The following UMAD1 variants were observed in gnomAD, a reference collection of about 807,000 sequenced individuals.
The protein encoded by UMAD1 is UBAP1-MVB12-associated (UMA)-domain containing protein 1.
UMAD1 carries 8 observed loss-of-function variants against 6.1 expected under a neutral mutation model. The ratio of observed to expected loss-of-function variants is 1.30; its 90% CI spans 0.76 to 2.35. The LOEUF is 2.35. Ranked by LOEUF, UMAD1 falls within the 30% of genes most tolerant of loss-of-function variation. The pLI is 0.00. For synonymous variants in UMAD1, 56 were observed against 31.4 expected (o/e 1.78, Z -2.61); for missense variants, 130 against 78.4 (o/e 1.66, Z -2.49).
chr7:7,709,519 C>G lies in UMAD1; in HGVS notation c.82+36066C>G, dbSNP rs562842006. On this transcript the variant is annotated intron_variant, in intron 2 of 3. Coordinates refer to ENST00000682710, the MANE Select transcript of UMAD1 (RefSeq NM_001302348.2). ...GGAGAGAAGGTGAATGACTGGGGGA[C>G]TTGAAGTTGAAAGAAAAGTCAGGCG... Among the ~76,000 whole-genome samples the G allele has an allele frequency of 4.3e-4, 66 of 152,284 alleles. No homozygotes were observed. In the South Asian group the frequency reaches 4.6e-3, roughly 11 times the overall value.
At chr7:7,756,801 C>G (rs1252608310) in intron 2 of UMAD1, among the ~76,000 whole-genome samples, 2 of 152,148 alleles carry the variant, frequency 1.3e-5, no homozygotes, top group Non-Finnish European at 2.9e-5. Flanking sequence ...ACTGTTTTAC[C>G]AATCATATGT....
chr7:7,846,061 G>C (rs1583868292), intron 3 of UMAD1, among the ~76,000 whole-genome samples: 1 of 152,234 alleles, frequency 6.6e-6, no homozygotes, highest in South Asian at 2.1e-4. Context: ...CCAGAATTCA[G>C]TTCTTAAGAA....
intron 3 of UMAD1, among the ~76,000 whole-genome samples, chr7:7,865,607 C>G (rs1784211343): frequency 6.6e-6 from 1 of 152,206 alleles, no homozygotes; most frequent in African/African-American, 2.4e-5. Flanking sequence ...TGCCCATCCC[C>G]TTGCCTACCC....
intron 2 of UMAD1, chr7:7,742,458 G>T (rs961545089): frequency 1.9e-6 from 1 of 539,436 alleles, no homozygotes; most frequent in African/African-American, 1.9e-5. Flanking sequence ...TTCTTTTTTT[G>T]TGGTTGTGGA....
intron 1 of UMAD1, among the ~76,000 whole-genome samples, chr7:7,641,921 T>G (rs911952106): frequency 6.6e-6 from 1 of 152,178 alleles, no homozygotes; most frequent in African/African-American, 2.4e-5. Context: ...ACTTAATAGG[T>G]TTGTCTTAGT....
rs576045140 is a variant in UMAD1 at position 7,709,870 on chromosome 7, C to A, written c.82+36417C>A. On this transcript the variant is annotated intron_variant, in intron 2 of 3. Transcript: ENST00000682710. Reference sequence around the variant, plus strand: ...CCAATTGGTTTAAGAAATATAATTTCTTGTTAACCTTGAAGTTCTCTAAGT... The same window carrying A: ...CCAATTGGTTTAAGAAATATAATTTATTGTTAACCTTGAAGTTCTCTAAGT... Among the ~76,000 whole-genome samples the A allele has an allele frequency of 6.6e-5, 10 of 151,966 alleles. 1 individual carries two copies. The highest frequency in any genetic ancestry group is 2.4e-4 in the African/African-American group (10 of 41,440).
At chr7:7,807,528 C>T (rs997177192) in intron 3 of UMAD1, among the ~76,000 whole-genome samples, 1 of 151,978 alleles carries the variant, frequency 6.6e-6, no homozygotes, top group Non-Finnish European at 1.5e-5. Flanking sequence ...CACGTCATAG[C>T]CCAAGTATAT....
At chr7:7,756,697 T>G (rs889375119) in intron 2 of UMAD1, among the ~76,000 whole-genome samples, 2 of 152,236 alleles carry the variant, frequency 1.3e-5, no homozygotes, top group Non-Finnish European at 2.9e-5. Context: ...CTCAATCTGT[T>G]TCCCGTTTGG....
At chr7:7,789,446 C>T (rs1034186529) in intron 2 of UMAD1, among the ~76,000 whole-genome samples, 1 of 150,736 alleles carries the variant, frequency 6.6e-6, no homozygotes, top group African/African-American at 2.5e-5. Context: ...TAGAGAAAAA[C>T]ATCTTATTTC....
chr7:7,754,750 G>C (rs6971799), intron 2 of UMAD1, among the ~76,000 whole-genome samples: 22,195 of 152,014 alleles, frequency 0.15, 1,680 homozygotes, highest in Middle Eastern at 0.2. Flanking sequence ...TGGGTTTGTG[G>C]ATTTATTTTT....
At chr7:7,817,270 G>C (rs1348916185) in intron 3 of UMAD1, among the ~76,000 whole-genome samples, 2 of 152,112 alleles carry the variant, frequency 1.3e-5, no homozygotes, top group Non-Finnish European at 2.9e-5. Context: ...ATCTGACCAG[G>C]AGTGCCATGA....
rs181905697 is a variant in UMAD1, at chr7:7,662,226, T to C, written c.-63-11083T>C. Among the ~76,000 whole-genome samples, 306 of 152,292 alleles carry C rather than the reference T, an allele frequency of 2.0e-3. 1 individual carries two copies. Among genetic ancestry groups the C allele is most frequent in the African/African-American group, 7.0e-3 (292 of 41,566 alleles). ...GCTGGCAGCGATAATTTCAAGCCAG[T>C]GGATCTTAGCTTGCTGAGCTCCATG... On this transcript the variant is annotated intron_variant, in intron 1 of 3. Transcript: ENST00000682710.
chr7:7,799,581 G>GT (rs1201918551), intron 2 of UMAD1, among the ~76,000 whole-genome samples: 1 of 152,202 alleles, frequency 6.6e-6, no homozygotes, highest in Non-Finnish European at 1.5e-5. Flanking sequence ...ATTTCTTCGA[G>GT]TAAAGGACTT....
intron 2 of UMAD1, among the ~76,000 whole-genome samples, chr7:7,785,895 C>T (rs1194198376): frequency 1.3e-5 from 2 of 152,178 alleles, no homozygotes; most frequent in Non-Finnish European, 2.9e-5. Flanking sequence ...TGAGATGTAT[C>T]TATCAATATA....
chr7:7,838,633 T>C (rs59002635), intron 3 of UMAD1, among the ~76,000 whole-genome samples: 8,261 of 152,190 alleles, frequency 0.054, 467 homozygotes, highest in East Asian at 0.22. Context: ...TGTACACTGA[T>C]AGACATACAA....
chr7:7,752,949 C>A (rs1275220018), intron 2 of UMAD1, among the ~76,000 whole-genome samples: 2 of 152,102 alleles, frequency 1.3e-5, no homozygotes, highest in African/African-American at 2.4e-5. Context: ...CCTGGATCCA[C>A]CCTGGTCTGT....
intron 2 of UMAD1, among the ~76,000 whole-genome samples, chr7:7,748,142 C>T (rs1412552917): frequency 6.8e-6 from 1 of 146,614 alleles, no homozygotes; most frequent in Non-Finnish European, 1.5e-5. Context: ...GACGGGGTTT[C>T]ACCATGTTGG....
chr7:7,793,086 G>T (rs545131674), intron 2 of UMAD1, among the ~76,000 whole-genome samples: 1 of 152,332 alleles, frequency 6.6e-6, no homozygotes, highest in South Asian at 2.1e-4. Flanking sequence ...GAACGAGCGT[G>T]TCGCTAATTG....
chr7:7,821,785 C>A (rs1300935883), intron 3 of UMAD1, among the ~76,000 whole-genome samples: 1 of 152,098 alleles, frequency 6.6e-6, no homozygotes, highest in Non-Finnish European at 1.5e-5. Flanking sequence ...TCCTTTCTGC[C>A]TCTTCCCCTG....
Sources: allele counts gnomAD v4.1 joint callset (sites outside exome capture counted in the v4.1 genomes callset), GRCh38; gene constraint gnomAD v4.1.1; transcripts MANE v1.5; gene names NCBI Gene and HGNC (gene_info 2026-07-23, HGNC 2026-07-21).